CNTNAP2: variants seen among roughly 807,000 people sequenced by gnomAD.
The protein encoded by CNTNAP2 is contactin associated protein 2, also known as contactin-associated protein-like 2.
A neutral mutation model predicts 155.2 loss-of-function variants in CNTNAP2; 98 were observed. That is an observed-to-expected ratio of 0.63 (90% confidence interval 0.54 to 0.75). CNTNAP2 has a LOEUF of 0.75. Among genes scored for constraint, CNTNAP2 ranks in the 30% least tolerant of loss-of-function variants. The pLI is 0.00. For missense variants in CNTNAP2, 1,727 were observed against 1,688.1 expected (o/e 1.02, Z -0.40); for synonymous variants, 651 against 631.2 (o/e 1.03, Z -0.47).
chr7:146,273,788 C>G lies in CNTNAP2; in HGVS notation c.97+156815C>G, dbSNP rs76460557. 5.5e-3 allele frequency among the ~76,000 whole-genome samples: 830 copies of G among 152,178 alleles called. 7 individuals carry two copies. Among genetic ancestry groups the G allele is most frequent in the Non-Finnish European group, 8.9e-3 (603 of 68,014 alleles). On this transcript the variant is annotated intron_variant, in intron 1 of 23. Transcript: ENST00000361727. ...GGACGACCCTTTTACTTGTACTGGC[C>G]GGTTACTTAAAACCTCTGAGCCCTA...
chr7:146,214,618 G>T (rs187132447), intron 1 of CNTNAP2, among the ~76,000 whole-genome samples: 1 of 152,236 alleles, frequency 6.6e-6, no homozygotes, highest in African/African-American at 2.4e-5. Context: ...AAAAGATTCT[G>T]TTGATCCTAA....
intron 15 of CNTNAP2, among the ~76,000 whole-genome samples, chr7:148,056,093 A>G (rs1226164966): frequency 1.3e-5 from 2 of 152,244 alleles, no homozygotes; most frequent in South Asian, 2.1e-4. Flanking sequence ...CAGACTGTAT[A>G]GCAGCCTAAA....
chr7:147,204,530 A>G (rs1404469577), intron 8 of CNTNAP2, among the ~76,000 whole-genome samples: 2 of 152,154 alleles, frequency 1.3e-5, no homozygotes, highest in African/African-American at 4.8e-5. Context: ...AGTGAAATCC[A>G]TAGTAAACTC....
chr7:146,487,114 C>A (rs1210281408), intron 1 of CNTNAP2, among the ~76,000 whole-genome samples: 2 of 152,096 alleles, frequency 1.3e-5, no homozygotes, highest in Admixed American at 6.6e-5. Context: ...AATCTTAATA[C>A]GTATAAGTCA....
At chr7:146,840,953 T>C (rs746190220) in intron 3 of CNTNAP2, among the ~76,000 whole-genome samples, 3 of 152,202 alleles carry the variant, frequency 2.0e-5, no homozygotes, top group Non-Finnish European at 4.4e-5. Flanking sequence ...TGTATTAGGA[T>C]GTATAAGTTA....
At chr7:146,246,726 C>A (rs539438104) in intron 1 of CNTNAP2, among the ~76,000 whole-genome samples, 4 of 152,104 alleles carry the variant, frequency 2.6e-5, no homozygotes, top group Non-Finnish European at 5.9e-5. Context: ...GAGTGGCTGC[C>A]AGGTGAGTTG....
chr7:147,675,643 T>C (rs1039882999), intron 13 of CNTNAP2, among the ~76,000 whole-genome samples: 1 of 152,248 alleles, frequency 6.6e-6, no homozygotes, highest in Non-Finnish European at 1.5e-5. Context: ...CAATCTCTTC[T>C]AGAAACACTT....
intron 14 of CNTNAP2, among the ~76,000 whole-genome samples, chr7:147,925,809 G>T (rs4726896): frequency 1.3e-5 from 2 of 151,944 alleles, no homozygotes; most frequent in African/African-American, 4.8e-5. Flanking sequence ...TATCATTAGA[G>T]CATCACACAA....
At chr7:147,677,172 A>G (rs2116974681) in intron 13 of CNTNAP2, among the ~76,000 whole-genome samples, 1 of 151,506 alleles carries the variant, frequency 6.6e-6, no homozygotes, top group Admixed American at 6.6e-5. Flanking sequence ...CCTCACCAAC[A>G]CTTGTTCTCT....
chr7:147,568,464 T>G lies in CNTNAP2; in HGVS notation c.1897+6207T>G, dbSNP rs181870110. On this transcript the variant is annotated intron_variant, in intron 12 of 23. Coordinates refer to ENST00000361727, the MANE Select transcript of CNTNAP2 (RefSeq NM_014141.6). ...TAGAGCATTTCAAGTGCTGCACAGT[T>G]GATGACATTGAGGAGAGAAGATTTT... 2.3e-4 allele frequency among the ~76,000 whole-genome samples: 35 copies of G among 152,276 alleles called. 1 individual carries two copies. The East Asian group carries it at 6.4e-3, about 28-fold the overall frequency.
intron 1 of CNTNAP2, among the ~76,000 whole-genome samples, chr7:146,320,798 C>T (rs1800987477): frequency 6.6e-6 from 1 of 151,870 alleles, no homozygotes; most frequent in South Asian, 2.1e-4. Flanking sequence ...TAAAAAAATT[C>T]TTGATTTATA....
intron 1 of CNTNAP2, among the ~76,000 whole-genome samples, chr7:146,571,898 AT>A (rs201692108): frequency 2.0e-5 from 3 of 151,846 alleles, no homozygotes; most frequent in Admixed American, 6.6e-5. Context: ...CACCCAGCTA[AT>A]TTTTTGTATT....
chr7:147,308,294 G>T (rs887875099), intron 9 of CNTNAP2, among the ~76,000 whole-genome samples: 82 of 152,316 alleles, frequency 5.4e-4, no homozygotes, highest in African/African-American at 1.8e-3. Context: ...AACAATGACT[G>T]AGAAGGTTGG....
intron 3 of CNTNAP2, among the ~76,000 whole-genome samples, chr7:146,962,321 G>A (rs1797571424): frequency 6.6e-6 from 1 of 152,130 alleles, no homozygotes; most frequent in South Asian, 2.1e-4. Context: ...TTTTACTGCT[G>A]CCGATCTTTA....
At chr7:146,372,044 T>C (rs369022490) in intron 1 of CNTNAP2, among the ~76,000 whole-genome samples, 1 of 151,932 alleles carries the variant, frequency 6.6e-6, no homozygotes. Flanking sequence ...GAAATAAAGG[T>C]AATTGTAAAG....
At chr7:146,952,370 A>T (rs183115054) in intron 3 of CNTNAP2, among the ~76,000 whole-genome samples, 8 of 152,324 alleles carry the variant, frequency 5.3e-5, no homozygotes, top group African/African-American at 1.4e-4. Flanking sequence ...AACTGGCACA[A>T]GACAAGTATG....
rs188342699 is a variant in CNTNAP2, at chr7:146,371,333, G to A, written c.97+254360G>A. On this transcript the variant is annotated intron_variant, in intron 1 of 23. Transcript: ENST00000361727. ...TATCTATCCTTTTAAACTTATGTAA[G>A]TTATTTTGCAATATAATATATGCCA... Among the ~76,000 whole-genome samples, 1,350 of 139,642 alleles carry A rather than the reference G, an allele frequency of 9.7e-3. 23 individuals carry two copies. Among genetic ancestry groups the A allele is most frequent in the African/African-American group, 0.033 (1,239 of 37,784 alleles). The allele number at this position is 139,642 out of a possible 152,430, so 91.6% of individuals were successfully genotyped here. A position where few individuals can be genotyped will look rare whatever the true frequency, so the allele number is the denominator to read the frequency against.
intron 19 of CNTNAP2, among the ~76,000 whole-genome samples, chr7:148,220,017 T>G (rs1052975464): frequency 1.3e-5 from 2 of 152,266 alleles, no homozygotes; most frequent in African/African-American, 4.8e-5. Context: ...GGAAAAAGTA[T>G]GTTCCCTAGT....
At chr7:147,095,769 G>T (rs1348202886) in intron 4 of CNTNAP2, among the ~76,000 whole-genome samples, 1 of 152,006 alleles carries the variant, frequency 6.6e-6, no homozygotes, top group Non-Finnish European at 1.5e-5. Flanking sequence ...CCTAAAACTG[G>T]ATCCTGGTTT....
Sources: allele counts gnomAD v4.1 joint callset (sites outside exome capture counted in the v4.1 genomes callset), GRCh38; gene constraint gnomAD v4.1.1; transcripts MANE v1.5; gene names NCBI Gene and HGNC (gene_info 2026-07-23, HGNC 2026-07-21).